PDS5B: variants seen among roughly 807,000 people sequenced by gnomAD.
The protein encoded by PDS5B is PDS5 cohesin associated factor B, also known as sister chromatid cohesion protein PDS5 homolog B.
In PDS5B, 51 loss-of-function variants were observed where a neutral mutation model predicts 184.1. The observed-to-expected ratio is 0.28, with a 90% CI of 0.22 to 0.35. PDS5B has a LOEUF of 0.35. Among genes scored for constraint, PDS5B ranks in the 10% least tolerant of loss-of-function variants. The probability of loss-of-function intolerance (pLI) is 1.00; values close to 1 mark genes in which losing one functional copy is unlikely to be tolerated. For missense variants in PDS5B, 1,180 were observed against 1,723.3 expected, an observed-to-expected ratio of 0.68 and a Z score of 5.58; for synonymous variants, 566 against 569.2, an observed-to-expected ratio of 0.99 and a Z score of 0.08.
chr13:32,590,336 A>G (rs527762459), intron 1 of PDS5B, among the ~76,000 whole-genome samples: 96 of 152,326 alleles, frequency 6.3e-4, no homozygotes, highest in African/African-American at 2.3e-3. Context: ...ATATACATAC[A>G]GTACCAGGGA....
intron 3 of PDS5B, 93 bp downstream of exon 3, chr13:32,652,100 T>C (rs1417083476): frequency 1.1e-6 from 1 of 878,472 alleles, no homozygotes; most frequent in Non-Finnish European, 1.9e-6. Flanking sequence ...ATGATTTCCT[T>C]GGATTCTTTG....
At chr13:32,682,898 C>G (rs1473104050) in intron 10 of PDS5B, among the ~76,000 whole-genome samples, 1 of 152,198 alleles carries the variant, frequency 6.6e-6, no homozygotes, top group Non-Finnish European at 1.5e-5. Flanking sequence ...GGGTTTCATC[C>G]TTTTCCTTTG....
At position 32,658,333 on chromosome 13, in the gene PDS5B, A is replaced by G. The variant is rs943946452; in HGVS notation, c.399+8A>G. 2.4e-5 allele frequency: 34 copies of G among 1,446,358 alleles called. No individual in the cohort carries two copies. The highest frequency in any genetic ancestry group is 2.8e-5 in the African/African-American group (2 of 71,722). 89.6% of individuals were successfully genotyped at this position (1,446,358 alleles called of 1,614,324 possible). ...TATTTTTATTTACTTGAGGTAAGCAATATCTTGTATCTTGAGATGACATTT... is the reference window on the plus strand; with the variant it reads ...TATTTTTATTTACTTGAGGTAAGCAGTATCTTGTATCTTGAGATGACATTT... On this transcript the variant is annotated splice_region_variant and intron_variant, in intron 4 of 34. Coordinates refer to ENST00000315596, the MANE Select transcript of PDS5B (RefSeq NM_015032.4).
chr13:32,709,343 A>G (rs1162181053), intron 18 of PDS5B, among the ~76,000 whole-genome samples: 1 of 151,914 alleles, frequency 6.6e-6, no homozygotes, highest in African/African-American at 2.4e-5. Context: ...ATTTTCTCCC[A>G]ATAGCTATTC....
intron 23 of PDS5B, among the ~76,000 whole-genome samples, chr13:32,744,467 A>AT (rs894912798): frequency 1.3e-5 from 2 of 152,130 alleles, no homozygotes; most frequent in African/African-American, 2.4e-5. Context: ...AGCAAAAGTG[A>AT]TTTTTTGTGT....
chr13:32,648,711 A>G (rs1284872567), intron 1 of PDS5B, 43 bp from the exon 2 acceptor site: 2 of 780,402 alleles, frequency 2.6e-6, no homozygotes, highest in African/African-American at 1.7e-5. Context: ...AAGAATGTTT[A>G]TATCTATTTT....
chr13:32,706,885 G>C, intron 17 of PDS5B, 49 bp from the exon 18 acceptor site: 2 of 1,115,274 alleles, frequency 1.8e-6, no homozygotes, highest in Non-Finnish European at 2.7e-6. Flanking sequence ...ATTTTTCTTA[G>C]ACATTGCTAG....
chr13:32,769,039 C>T (rs1342496677), intron 31 of PDS5B, among the ~76,000 whole-genome samples: 1 of 150,712 alleles, frequency 6.6e-6, no homozygotes, highest in Non-Finnish European at 1.5e-5. Context: ...AGGAGAATGG[C>T]GTGAACCTGG....
At position 32,655,376 on chromosome 13, in the gene PDS5B, T is replaced by TATATATATA. The variant is rs1566290689; in HGVS notation, c.313-2863_313-2862insATATATATA. Among the ~76,000 whole-genome samples, 27 of 63,400 alleles carry TATATATATA rather than the reference T, an allele frequency of 4.3e-4. No individual in the cohort carries two copies. In the East Asian group the frequency reaches 0.011, roughly 27 times the overall value. The allele number at this position is 63,400 out of a possible 152,430, so 41.6% of individuals were successfully genotyped here. A position where few individuals can be genotyped will look rare whatever the true frequency, so the allele number is the denominator to read the frequency against. On this transcript the variant is annotated intron_variant, in intron 3 of 34. Coordinates refer to ENST00000315596, the MANE Select transcript of PDS5B (RefSeq NM_015032.4). Reference sequence around the variant, plus strand: ...TTCTTTGCCATATATATATATATATTTTTTTTTTTTTTTTTTTTTTTAGAT... The same window carrying TATATATATA: ...TTCTTTGCCATATATATATATATATTATATATATATTTTTTTTTTTTTTTTTTTTTAGAT...
intron 19 of PDS5B, among the ~76,000 whole-genome samples, chr13:32,719,076 A>T (rs1952578222): frequency 6.6e-6 from 1 of 152,270 alleles, no homozygotes; most frequent in Non-Finnish European, 1.5e-5. Context: ...AACATGAATT[A>T]AAATACTAGT....
At chr13:32,666,552 C>G (rs1338446891) in intron 6 of PDS5B, among the ~76,000 whole-genome samples, 1 of 151,432 alleles carries the variant, frequency 6.6e-6, no homozygotes, top group Non-Finnish European at 1.5e-5. Flanking sequence ...ATACATGTAT[C>G]AAAATAGCAC....
At chr13:32,613,570 A>G (rs1279486124) in intron 1 of PDS5B, among the ~76,000 whole-genome samples, 4 of 152,126 alleles carry the variant, frequency 2.6e-5, no homozygotes, top group African/African-American at 7.2e-5. Flanking sequence ...TCCTTTGCCC[A>G]TTTTTAAATT....
chr13:32,611,503 C>CTT lies in PDS5B; in HGVS notation c.-20+24930_-20+24931dup, dbSNP rs35825698. Among the ~76,000 whole-genome samples the CTT allele has an allele frequency of 2.7e-3, 297 of 110,860 alleles. 1 individual carries two copies. Among genetic ancestry groups the CTT allele is most frequent in the South Asian group, 7.2e-3 (23 of 3,212 alleles). 72.7% of individuals were successfully genotyped at this position (110,860 alleles called of 152,430 possible). Reference sequence around the variant, plus strand: ...GATCATTTTATTACTTTGGTTAAAACTTTTTTTTTTTTTTTTTTTTTGGAG... The same window carrying CTT: ...GATCATTTTATTACTTTGGTTAAAACTTTTTTTTTTTTTTTTTTTTTTTGGAG... On this transcript the variant is annotated intron_variant, in intron 1 of 34. Transcript: ENST00000315596.
intron 18 of PDS5B, among the ~76,000 whole-genome samples, chr13:32,708,965 A>T (rs1952115589): frequency 6.6e-6 from 1 of 152,096 alleles, no homozygotes; most frequent in Non-Finnish European, 1.5e-5. Context: ...ATACTGTTCA[A>T]GTTCCCTGAG....
intron 1 of PDS5B, among the ~76,000 whole-genome samples, chr13:32,612,850 C>T (rs2058164213): frequency 6.6e-6 from 1 of 152,176 alleles, no homozygotes; most frequent in Non-Finnish European, 1.5e-5. Flanking sequence ...CCATAATTGT[C>T]AGCCAAATAA....
intron 12 of PDS5B, 47 bp from the exon 13 acceptor site, chr13:32,688,409 G>A: frequency 1.1e-6 from 1 of 922,540 alleles, no homozygotes; most frequent in East Asian, 2.4e-5. Context: ...TACAACTTTA[G>A]AACATTAGAA....
intron 2 of PDS5B, chr13:32,649,374 C>T (rs570167624): frequency 6.5e-6 from 1 of 153,370 alleles, no homozygotes; most frequent in South Asian, 2.1e-4. Flanking sequence ...AGGCTAGGGC[C>T]TCTTCATATG....
chr13:32,754,168 T>C (rs1954086861), intron 25 of PDS5B, among the ~76,000 whole-genome samples: 1 of 152,188 alleles, frequency 6.6e-6, no homozygotes, highest in African/African-American at 2.4e-5. Flanking sequence ...GTTGTATACA[T>C]TGCCTCCCTG....
At chr13:32,773,993 A>T (rs1483471986) in intron 34 of PDS5B, among the ~76,000 whole-genome samples, 1 of 152,076 alleles carries the variant, frequency 6.6e-6, no homozygotes, top group East Asian at 1.9e-4. Context: ...TAGTGCAGAC[A>T]GGGTTTTACC....
Sources: allele counts gnomAD v4.1 joint callset (sites outside exome capture counted in the v4.1 genomes callset), GRCh38; gene constraint gnomAD v4.1.1; transcripts MANE v1.5; gene names NCBI Gene and HGNC (gene_info 2026-07-23, HGNC 2026-07-21).